Variants in ADGRL3 observed in about 807,000 individuals in gnomAD.
ADGRL3 encodes the protein calcium-independent alpha-latrotoxin receptor 3.
In ADGRL3, 62 loss-of-function variants were observed where a neutral mutation model predicts 153.5. That is an observed-to-expected ratio of 0.40 (90% CI 0.33 to 0.50). The LOEUF (loss-of-function observed/expected upper bound fraction) is 0.50. Among genes scored for constraint, ADGRL3 ranks in the 20% least tolerant of loss-of-function variants. The probability of loss-of-function intolerance (pLI) is 0.47; values close to 1 mark genes in which losing one functional copy is unlikely to be tolerated. For missense variants in ADGRL3, 1,641 were observed against 1,859.4 expected, an observed-to-expected ratio of 0.88 and a Z score of 2.16; for synonymous variants, 710 against 672.5, an observed-to-expected ratio of 1.06 and a Z score of -0.86.
intron 11 of ADGRL3, among the ~76,000 whole-genome samples, chr4:61,898,555 G>T (rs560391356): frequency 1.3e-5 from 2 of 152,088 alleles, no homozygotes; most frequent in African/African-American, 2.4e-5. Flanking sequence ...CCCAAGATTG[G>T]CTGGACCAGG....
intron 17 of ADGRL3, among the ~76,000 whole-genome samples, chr4:61,950,855 A>G (rs1433096515): frequency 1.3e-5 from 2 of 152,178 alleles, no homozygotes; most frequent in African/African-American, 4.8e-5. Context: ...CAGTTTCAGC[A>G]TGGGGGCTTA....
At chr4:62,060,873 GTA>G (rs1201188160) in intron 25 of ADGRL3, among the ~76,000 whole-genome samples, 1 of 151,830 alleles carries the variant, frequency 6.6e-6, no homozygotes, top group Non-Finnish European at 1.5e-5. Context: ...ACATTTAGAT[GTA>G]TATGTTTTAT....
intron 1 of ADGRL3, among the ~76,000 whole-genome samples, chr4:61,259,363 C>T (rs1456695900): frequency 6.6e-6 from 1 of 151,920 alleles, no homozygotes; most frequent in Non-Finnish European, 1.5e-5. Flanking sequence ...GCGGAGTTTG[C>T]AGTGAGCCGA....
chr4:61,610,164 A>T (rs2099047627), intron 5 of ADGRL3, among the ~76,000 whole-genome samples: 1 of 146,288 alleles, frequency 6.8e-6, no homozygotes, highest in Non-Finnish European at 1.5e-5. Flanking sequence ...TATACTTCTT[A>T]TAAAAGAGCC....
intron 6 of ADGRL3, among the ~76,000 whole-genome samples, chr4:61,717,361 G>T (rs1327832300): frequency 1.3e-5 from 2 of 151,966 alleles, no homozygotes; most frequent in African/African-American, 4.8e-5. Flanking sequence ...CATTTCCTGG[G>T]TGAGAAAAAA....
At chr4:61,654,934 C>A (rs1022562476) in intron 5 of ADGRL3, among the ~76,000 whole-genome samples, 1 of 152,024 alleles carries the variant, frequency 6.6e-6, no homozygotes, top group African/African-American at 2.4e-5. Context: ...AAACTTTATT[C>A]TTTAACTCAT....
chr4:61,290,962 A>T (rs28531374), intron 1 of ADGRL3, among the ~76,000 whole-genome samples: 44,109 of 151,780 alleles, frequency 0.29, 6,509 homozygotes, highest in South Asian at 0.39. Context: ...ATGATTTTTT[A>T]AAAAACTGGA....
intron 2 of ADGRL3, among the ~76,000 whole-genome samples, chr4:61,466,597 A>G (rs534229904): frequency 6.6e-6 from 1 of 152,138 alleles, no homozygotes; most frequent in Non-Finnish European, 1.5e-5. Context: ...TATCGTCAGG[A>G]GATTGTAAGT....
chr4:61,487,335 T>G (rs1346379637), intron 2 of ADGRL3, among the ~76,000 whole-genome samples: 5 of 152,196 alleles, frequency 3.3e-5, no homozygotes, highest in Non-Finnish European at 7.4e-5. Context: ...GATAGCCCCT[T>G]CCTTATGGAG....
At position 61,829,399 on chromosome 4, in the gene ADGRL3, A is replaced by G. The variant is rs148663601; in HGVS notation, c.1480+15510A>G. Among the ~76,000 whole-genome samples, 764 of 152,272 alleles carry G rather than the reference A, an allele frequency of 5.0e-3. 3 individuals are homozygous for G. Among genetic ancestry groups the G allele is most frequent in the Middle Eastern group, 0.02 (6 of 294 alleles). ...ATATCCTTTGGGATTTTAAAACATA[A>G]GATGTTTTGTTTTATATTTGTGAAA... On this transcript the variant is annotated intron_variant, in intron 9 of 26. Transcript: ENST00000683033.
At chr4:62,049,568 T>C (rs1385932661) in intron 25 of ADGRL3, among the ~76,000 whole-genome samples, 2 of 152,286 alleles carry the variant, frequency 1.3e-5, no homozygotes, top group Admixed American at 1.3e-4. Context: ...AGTAAATATA[T>C]GTAATTGGTA....
chr4:61,977,788 A>G (rs1172515146), intron 17 of ADGRL3, among the ~76,000 whole-genome samples: 1 of 152,148 alleles, frequency 6.6e-6, no homozygotes, highest in Non-Finnish European at 1.5e-5. Flanking sequence ...TTTAAAAATC[A>G]ATTTTTTTTC....
At chr4:61,630,931 T>C (rs907733351) in intron 5 of ADGRL3, among the ~76,000 whole-genome samples, 1 of 152,200 alleles carries the variant, frequency 6.6e-6, no homozygotes, top group Admixed American at 6.5e-5. Context: ...TATCTTACTA[T>C]TCTAAATAAT....
intron 1 of ADGRL3, among the ~76,000 whole-genome samples, chr4:61,356,239 G>A (rs1182627635): frequency 6.6e-6 from 1 of 151,944 alleles, no homozygotes; most frequent in Non-Finnish European, 1.5e-5. Context: ...TAAGGTTATA[G>A]ATTTTAACAT....
At chr4:61,421,563 G>T (rs2097207962) in intron 2 of ADGRL3, among the ~76,000 whole-genome samples, 1 of 152,012 alleles carries the variant, frequency 6.6e-6, no homozygotes, top group Admixed American at 6.5e-5. Context: ...TTTATACAGA[G>T]AAATCAGGAA....
At chr4:61,857,002 T>C (rs574538839) in intron 9 of ADGRL3, among the ~76,000 whole-genome samples, 38 of 118,976 alleles carry the variant, frequency 3.2e-4, no homozygotes, top group African/African-American at 8.1e-4. Flanking sequence ...CTTTCTTTCT[T>C]TCTTTCTTTC....
chr4:61,593,006 A>G (rs1211694350), intron 5 of ADGRL3, among the ~76,000 whole-genome samples: 2 of 152,054 alleles, frequency 1.3e-5, no homozygotes, highest in African/African-American at 4.8e-5. Flanking sequence ...CTGTGTATCC[A>G]TTGCATGTTT....
chr4:61,655,224 G>A (rs970881196), intron 5 of ADGRL3, among the ~76,000 whole-genome samples: 1 of 152,110 alleles, frequency 6.6e-6, no homozygotes, highest in Non-Finnish European at 1.5e-5. Context: ...AAGACTAGAT[G>A]AGGTTAAGTA....
chr4:61,563,594 G>A (rs551577403), intron 4 of ADGRL3, among the ~76,000 whole-genome samples: 249 of 152,306 alleles, frequency 1.6e-3, no homozygotes, highest in Middle Eastern at 0.014. Context: ...GAAATCTGTC[G>A]TTTAGTGTAG....
Sources: allele counts gnomAD v4.1 joint callset (sites outside exome capture counted in the v4.1 genomes callset), GRCh38; gene constraint gnomAD v4.1.1; transcripts MANE v1.5; gene names NCBI Gene and HGNC (gene_info 2026-07-23, HGNC 2026-07-21).